The following LPP variants were observed in gnomAD, a reference collection of about 807,000 sequenced individuals.
LPP encodes the protein lipoma-preferred partner.
A neutral mutation model predicts 60.4 loss-of-function variants in LPP; 38 were observed. The observed-to-expected ratio is 0.63, with a 90% confidence interval of 0.49 to 0.83. The LOEUF (loss-of-function observed/expected upper bound fraction) is 0.83, where lower values mean the gene tolerates loss of function less well. LPP is among the 40% of genes least tolerant of loss of function. The pLI is 0.00. For missense variants in LPP, 902 were observed against 783.6 expected, an observed-to-expected ratio of 1.15 and a Z score of -1.80; for synonymous variants, 328 against 290.8, an observed-to-expected ratio of 1.13 and a Z score of -1.30.
intron 2 of LPP, among the ~76,000 whole-genome samples, chr3:188,285,280 A>C (rs1346796783): frequency 2.0e-5 from 3 of 152,158 alleles, no homozygotes; most frequent in African/African-American, 4.8e-5. Flanking sequence ...ATATATGTGA[A>C]GCGTTAGAGA....
chr3:188,160,713 A>G (rs1421747807), intron 1 of LPP, among the ~76,000 whole-genome samples: 5 of 152,248 alleles, frequency 3.3e-5, no homozygotes, highest in Non-Finnish European at 5.9e-5. Context: ...ACTTGTGTAC[A>G]AAGTGATTAC....
chr3:188,300,377 CTA>C (rs1220288577), intron 2 of LPP, among the ~76,000 whole-genome samples: 2 of 150,108 alleles, frequency 1.3e-5, no homozygotes, highest in Non-Finnish European at 2.9e-5. Flanking sequence ...ACGATTGTGA[CTA>C]TTGTTTCCAT....
chr3:188,183,508 G>A (rs1008860526), intron 1 of LPP, among the ~76,000 whole-genome samples: 1 of 152,180 alleles, frequency 6.6e-6, no homozygotes, highest in Non-Finnish European at 1.5e-5. Flanking sequence ...CTTGCTTCCA[G>A]TTGTGCCCAG....
In LPP at chr3:188,357,463, T is replaced by C. The variant is rs1767946229; in HGVS notation, c.-10+15744T>C. ...TAAAATGCTCTTCTACTAACAAATT[T>C]AAAGACTTGAGCACCCAGAAACAGC... On this transcript the variant is annotated intron_variant, in intron 3 of 11. Transcript: ENST00000617246. 2.0e-5 allele frequency among the ~76,000 whole-genome samples: 3 copies of C among 150,104 alleles called. No homozygotes were observed. In the South Asian group the frequency reaches 6.3e-4, roughly 32 times the overall value.
chr3:188,763,875 T>C (rs1733192354), intron 9 of LPP, among the ~76,000 whole-genome samples: 1 of 152,132 alleles, frequency 6.6e-6, no homozygotes, highest in South Asian at 2.1e-4. Flanking sequence ...AAATCAAATT[T>C]AATCTGGAGG....
At chr3:188,791,778 T>C (rs150636953) in intron 9 of LPP, among the ~76,000 whole-genome samples, 1 of 152,288 alleles carries the variant, frequency 6.6e-6, no homozygotes, top group Non-Finnish European at 1.5e-5. Context: ...GTTGTCCTGC[T>C]CATATGTCCT....
Position 188,609,138 on chromosome 3 carries a change from CTTTT to C in LPP, c.430-18_430-15del. 6.6e-7 allele frequency: 1 copy of C among 1,525,116 alleles called. No homozygotes were observed. Among genetic ancestry groups the C allele is most frequent in the South Asian group, 1.2e-5 (1 of 80,712 alleles). 94.5% of individuals were successfully genotyped at this position (1,525,116 alleles called of 1,614,324 possible). On this transcript the variant is annotated intron_variant, in intron 6 of 11. Coordinates refer to ENST00000617246, the MANE Select transcript of LPP (RefSeq NM_001375462.1). The surrounding 1 kb of genome is among the most constrained non-coding windows in gnomAD (Gnocchi z 6.9). The stretch of plus-strand genomic sequence containing the variant: ...GCAGTAATTTTTGCTTTCTTTCTTT[CTTTT>C]TTTTCCTATTCTTTTTAGAGCTCCA...
chr3:188,174,899 A>G (rs1329789841), intron 1 of LPP, among the ~76,000 whole-genome samples: 1 of 152,052 alleles, frequency 6.6e-6, no homozygotes, highest in Non-Finnish European at 1.5e-5. Flanking sequence ...TACTGCTTGC[A>G]TGGCACTGAT....
At position 188,346,516 on chromosome 3, in the gene LPP, G is replaced by A. The variant is rs549538644; in HGVS notation, c.-10+4797G>A. ...CTGACCTCAGGAGTCCACCCGCCTC[G>A]GCCTACCAAAGTGCTGGGATTACAG... is the stretch of plus-strand genomic sequence containing the variant. On this transcript the variant is annotated intron_variant, in intron 3 of 11. Coordinates refer to ENST00000617246, the MANE Select transcript of LPP (RefSeq NM_001375462.1). Among the ~76,000 whole-genome samples, 6 of 151,300 alleles carry A rather than the reference G, an allele frequency of 4.0e-5. No homozygotes were observed. In the East Asian group the frequency reaches 9.7e-4, roughly 25 times the overall value.
At chr3:188,308,070 A>G (rs79839884) in intron 2 of LPP, among the ~76,000 whole-genome samples, 3,271 of 152,306 alleles carry the variant, frequency 0.021, 127 homozygotes, top group African/African-American at 0.074. Flanking sequence ...TTGTTGCTTA[A>G]ATATCAGGCC....
At chr3:188,775,242 G>A (rs762660675) in intron 9 of LPP, among the ~76,000 whole-genome samples, 4 of 151,930 alleles carry the variant, frequency 2.6e-5, no homozygotes, top group East Asian at 1.9e-4. Context: ...TAGTACAGAC[G>A]GGGTTTCACC....
chr3:188,760,307 G>A, intron 9 of LPP, 25 bp downstream of exon 9: 1 of 1,613,240 alleles, frequency 6.2e-7, no homozygotes, highest in Non-Finnish European at 8.5e-7. Flanking sequence ...TGTTCCTCAA[G>A]CACTTTGCAA....
chr3:188,701,414 T>C (rs1864381045), intron 7 of LPP, among the ~76,000 whole-genome samples: 1 of 152,012 alleles, frequency 6.6e-6, no homozygotes, highest in African/African-American at 2.4e-5. Flanking sequence ...GAAGGGAAAA[T>C]ACAGAAACAT....
intron 6 of LPP, among the ~76,000 whole-genome samples, chr3:188,558,380 C>T (rs1474533071): frequency 6.6e-6 from 1 of 151,986 alleles, no homozygotes. Context: ...CCACTCTCAC[C>T]CTTCATTTTT....
At position 188,609,411 on chromosome 3, in the gene LPP, C is replaced by T. The variant is rs775933619; in HGVS notation, c.680C>T (p.Ser227Leu). 6 of 1,614,036 alleles carry T rather than the reference C, an allele frequency of 3.7e-6. No individual in the cohort carries two copies. In the East Asian group the frequency reaches 1.3e-4, roughly 36 times the overall value. The change falls in exon 7 of 12, where the codon TCA becomes TTA. Residue 227 changes from serine to leucine, a missense_variant. Physicochemically the swap from Ser to Leu is moderately radical, Grantham distance 145. Transcript: ENST00000617246. The surrounding 1 kb of genome is among the most constrained non-coding windows in gnomAD (Gnocchi z 6.9). ...CCTACCTTTAATGTGCAGGTGAAGTCAGCCCAGCCCAGCCCTCATTATATG... is the reference window on the plus strand; with the variant it reads ...CCTACCTTTAATGTGCAGGTGAAGTTAGCCCAGCCCAGCCCTCATTATATG... The part of the protein sequence containing the change: ...SRPTFNVQVK[S>L]AQPSPHYMAA...
chr3:188,829,862 G>A (rs1389327177), intron 9 of LPP, among the ~76,000 whole-genome samples: 1 of 151,870 alleles, frequency 6.6e-6, no homozygotes. Flanking sequence ...CGGACACATG[G>A]GATAGTTTGA....
chr3:188,563,458 A>ATGTG (rs966931196), intron 6 of LPP, among the ~76,000 whole-genome samples: 3 of 76,034 alleles, frequency 3.9e-5, no homozygotes, highest in African/African-American at 1.5e-4. Context: ...ATTTACATAT[A>ATGTG]TATGTGTGTG....
chr3:188,528,344 T>C (rs1383832530), intron 6 of LPP, among the ~76,000 whole-genome samples: 4 of 150,148 alleles, frequency 2.7e-5, no homozygotes, highest in Non-Finnish European at 5.9e-5. Flanking sequence ...GCCCCCCAGC[T>C]TTTTTTTTAA....
chr3:188,245,548 A>G (rs1042519429), intron 2 of LPP, among the ~76,000 whole-genome samples: 2 of 151,826 alleles, frequency 1.3e-5, no homozygotes, highest in African/African-American at 4.8e-5. Context: ...TTGCCTTTTC[A>G]CCTCCTCTTA....
Sources: allele counts gnomAD v4.1 joint callset (sites outside exome capture counted in the v4.1 genomes callset), GRCh38; gene constraint gnomAD v4.1.1; non-coding constraint Gnocchi (gnomAD v3.1); transcripts MANE v1.5; gene names NCBI Gene and HGNC (gene_info 2026-07-23, HGNC 2026-07-21).